Variants in SV2C observed in about 807,000 individuals in gnomAD.
SV2C encodes solute carrier family 22 member B3.
In SV2C, 49 loss-of-function variants were observed where a neutral mutation model predicts 79.7. The ratio of observed to expected loss-of-function variants is 0.61; its 90% CI spans 0.49 to 0.78. The LOEUF (loss-of-function observed/expected upper bound fraction) is 0.78, where lower values mean the gene tolerates loss of function less well. Among genes scored for constraint, SV2C ranks in the 30% least tolerant of loss-of-function variants. SV2C has a pLI of 0.00. For synonymous variants in SV2C, 334 were observed against 333.2 expected (o/e 1.00, Z -0.03); for missense variants, 833 against 912.9 (o/e 0.91, Z 1.13).
At chr5:76,276,471 G>A (rs553468526) in intron 4 of SV2C, among the ~76,000 whole-genome samples, 2 of 152,206 alleles carry the variant, frequency 1.3e-5, no homozygotes, top group African/African-American at 4.8e-5. Flanking sequence ...AAGCAGCTGG[G>A]ACTACAGGCA....
intron 9 of SV2C, among the ~76,000 whole-genome samples, chr5:76,296,350 C>A (rs1284439342): frequency 6.6e-6 from 1 of 152,162 alleles, no homozygotes; most frequent in Admixed American, 6.5e-5. Context: ...TCCTGAGAAA[C>A]AGAGCCACTT....
the SV2C span, among the ~76,000 whole-genome samples, chr5:75,902,700 C>T: frequency 7.2e-6 from 1 of 138,844 alleles, no homozygotes; most frequent in Non-Finnish European, 1.5e-5. Context: ...GTCTTCCCTT[C>T]CCTTTGGACT....
At chr5:76,277,988 T>C (rs1747073252) in intron 4 of SV2C, among the ~76,000 whole-genome samples, 1 of 152,156 alleles carries the variant, frequency 6.6e-6, no homozygotes, top group African/African-American at 2.4e-5. Context: ...GTCAAGCTCA[T>C]AGAACTGTAT....
At chr5:76,231,931 A>G (rs1372333394) in intron 4 of SV2C, among the ~76,000 whole-genome samples, 3 of 144,388 alleles carry the variant, frequency 2.1e-5, no homozygotes, top group South Asian at 4.2e-4. Flanking sequence ...AGCATGATTT[A>G]TAATCCTTTG....
In SV2C at chr5:76,228,359, C is replaced by G. The variant is rs181623376; in HGVS notation, c.913+18472C>G. Among the ~76,000 whole-genome samples the G allele has an allele frequency of 1.4e-4, 22 of 152,218 alleles. No individual in the cohort carries two copies. The East Asian group carries it at 2.1e-3, about 15-fold the overall frequency. On this transcript the variant is annotated intron_variant, in intron 4 of 12. Transcript: ENST00000502798. ...CAGGGCAGAAGACAGGCTGTGGTGA[C>G]CCCAGAGTTGGTCTGTAACTCACAG...
chr5:76,303,200 C>T (rs959936928), intron 12 of SV2C, among the ~76,000 whole-genome samples: 10 of 152,178 alleles, frequency 6.6e-5, no homozygotes, highest in African/African-American at 2.4e-4. Context: ...TGAAAGGAAC[C>T]ATACAATCTT....
chr5:76,064,313 G>A, the SV2C span, among the ~76,000 whole-genome samples: 1 of 152,182 alleles, frequency 6.6e-6, no homozygotes, highest in African/African-American at 2.4e-5. Flanking sequence ...CCCTGGACGT[G>A]AGAGGAGATG....
At chr5:76,201,995 G>C (rs567311282) in intron 3 of SV2C, among the ~76,000 whole-genome samples, 1 of 122,204 alleles carries the variant, frequency 8.2e-6, no homozygotes, top group African/African-American at 3.1e-5. Flanking sequence ...CAGCCTGGGC[G>C]ACAGAGCGAG....
At chr5:76,306,388 G>A (rs955251220) in intron 12 of SV2C, among the ~76,000 whole-genome samples, 1 of 152,108 alleles carries the variant, frequency 6.6e-6, no homozygotes, top group African/African-American at 2.4e-5. Context: ...GGTTTTAGGA[G>A]CTCAATGCCG....
chr5:76,216,517 C>T (rs923021802), intron 4 of SV2C, among the ~76,000 whole-genome samples: 1 of 152,146 alleles, frequency 6.6e-6, no homozygotes, highest in Admixed American at 6.5e-5. Context: ...GTTGGCTTGG[C>T]CGGGTGCAGT....
At chr5:76,004,598 T>C in the SV2C span, among the ~76,000 whole-genome samples, 1 of 152,090 alleles carries the variant, frequency 6.6e-6, no homozygotes, top group Non-Finnish European at 1.5e-5. Context: ...AAAGGATCCT[T>C]ATCTGGCAAT....
rs146485237 is a variant in SV2C at position 76,349,249 on chromosome 5, C to T, written c.2001-3881C>T. Among the ~76,000 whole-genome samples the T allele has an allele frequency of 6.3e-3, 963 of 151,710 alleles. 7 individuals are homozygous for T. The highest frequency in any genetic ancestry group is 0.022 in the African/African-American group (904 of 41,356). On this transcript the variant is annotated intron_variant, in intron 12 of 12. Coordinates refer to the SV2C transcript ENST00000322285. Reference sequence around the variant, plus strand: ...TAATTAGGCCAAGCACGGTGGCTCACGCCTGTAATCCCAGCACTTTGGGAG... The same window carrying T: ...TAATTAGGCCAAGCACGGTGGCTCATGCCTGTAATCCCAGCACTTTGGGAG...
At chr5:76,063,381 GA>G in the SV2C span, among the ~76,000 whole-genome samples, 2 of 152,074 alleles carry the variant, frequency 1.3e-5, no homozygotes, top group Admixed American at 1.3e-4. Flanking sequence ...CTTCACTTGA[GA>G]AAAAAAGAAT....
the SV2C span, among the ~76,000 whole-genome samples, chr5:76,037,584 G>A: frequency 6.6e-6 from 1 of 152,218 alleles, no homozygotes; most frequent in Non-Finnish European, 1.5e-5. Flanking sequence ...GGACCCACTT[G>A]AGGAGGCAGT....
In SV2C at chr5:76,282,414, C is replaced by T. The variant is rs999708502; in HGVS notation, c.914-2748C>T. 8.5e-5 allele frequency among the ~76,000 whole-genome samples: 13 copies of T among 152,344 alleles called. No individual in the cohort carries two copies. In the South Asian group the frequency reaches 2.3e-3, roughly 27 times the overall value. The stretch of plus-strand genomic sequence containing the variant: ...AAGGAGAGGTCTCATGAAGCTTTGG[C>T]GCAGTCTGGGACCCCAGCTCTTTTT... On this transcript the variant is annotated intron_variant, in intron 4 of 12. Transcript: ENST00000502798.
chr5:76,210,470 A>G (rs960003815), intron 4 of SV2C, among the ~76,000 whole-genome samples: 6 of 152,224 alleles, frequency 3.9e-5, no homozygotes, highest in Non-Finnish European at 8.8e-5. Flanking sequence ...AAGGATGTAG[A>G]TGAACAGCCA....
At chr5:76,278,653 G>A (rs1486858085) in intron 4 of SV2C, among the ~76,000 whole-genome samples, 7 of 152,248 alleles carry the variant, frequency 4.6e-5, no homozygotes, top group Non-Finnish European at 5.9e-5. Context: ...TCTATGTTCA[G>A]AGAACTGGAA....
chr5:76,294,272 ATAC>A (rs1193006152), intron 8 of SV2C, among the ~76,000 whole-genome samples: 1 of 151,632 alleles, frequency 6.6e-6, no homozygotes, highest in Non-Finnish European at 1.5e-5. Context: ...ATTAATTTTA[ATAC>A]TACATTTTGT....
rs567647804 is a variant in SV2C, at chr5:76,089,335, A to G, written c.-102+5823A>G. Among the ~76,000 whole-genome samples, 10 of 152,308 alleles carry G rather than the reference A, an allele frequency of 6.6e-5. No individual in the cohort carries two copies. In the South Asian group the frequency reaches 1.7e-3, roughly 25 times the overall value. On this transcript the variant is annotated intron_variant, in intron 1 of 12. Coordinates refer to ENST00000502798, the MANE Select transcript of SV2C (RefSeq NM_014979.4). ...AGGATAATGGCTTTTAGCTCCATCC[A>G]TGTCCCTGCAAAGGACATGATCTCA...
Sources: allele counts gnomAD v4.1 joint callset (sites outside exome capture counted in the v4.1 genomes callset), GRCh38; gene constraint gnomAD v4.1.1; transcripts MANE v1.5; gene names NCBI Gene and HGNC (gene_info 2026-07-23, HGNC 2026-07-21).